Variants in PDE4D observed in about 807,000 individuals in gnomAD.
PDE4D encodes 3',5'-cyclic-AMP phosphodiesterase 4D.
In PDE4D, 24 loss-of-function variants were observed where a neutral mutation model predicts 87.4. The observed-to-expected ratio is 0.27, with a 90% CI of 0.20 to 0.39. The LOEUF (loss-of-function observed/expected upper bound fraction) is 0.39, where lower values mean the gene tolerates loss of function less well. PDE4D is among the 10% of genes least tolerant of loss of function. PDE4D has a pLI of 1.00. For synonymous variants in PDE4D, 384 were observed against 383.2 expected (o/e 1.00, Z -0.02); for missense variants, 714 against 1,041.0 (o/e 0.69, Z 4.32).
At chr5:59,508,757 T>C (rs982555775) in intron 1 of PDE4D, among the ~76,000 whole-genome samples, 1 of 151,874 alleles carries the variant, frequency 6.6e-6, no homozygotes, top group Non-Finnish European at 1.5e-5. Flanking sequence ...TAAAGACCAA[T>C]AGAACTTCTA....
chr5:59,085,886 T>A (rs1057091364), intron 5 of PDE4D, among the ~76,000 whole-genome samples: 10 of 152,162 alleles, frequency 6.6e-5, no homozygotes, highest in Non-Finnish European at 1.5e-4. Context: ...GTGATACTTT[T>A]AGAATAGGTA....
chr5:59,478,950 T>G (rs1226485321), intron 1 of PDE4D, among the ~76,000 whole-genome samples: 1 of 152,096 alleles, frequency 6.6e-6, no homozygotes, highest in Non-Finnish European at 1.5e-5. Flanking sequence ...TCTTAAAATT[T>G]GAGGTTCAAT....
chr5:59,554,783 C>T (rs946605285), intron 1 of PDE4D, among the ~76,000 whole-genome samples: 1 of 152,128 alleles, frequency 6.6e-6, no homozygotes, highest in Non-Finnish European at 1.5e-5. Context: ...ACAATAGAGG[C>T]TTTAGGGCCC....
At chr5:59,759,773 A>G (rs1281171756) in intron 1 of PDE4D, among the ~76,000 whole-genome samples, 7 of 152,138 alleles carry the variant, frequency 4.6e-5, no homozygotes, top group Non-Finnish European at 1.0e-4. Context: ...TGTGCTTCTC[A>G]GATGATTTCC....
At chr5:60,491,235 G>T (rs1489200661), upstream of PDE4D, 1 of 151,996 alleles carries the variant, frequency 6.6e-6, no homozygotes, top group Non-Finnish European at 1.5e-5. Context: ...AAAAAAAAAT[G>T]CTTTAATTCA....
intron 1 of PDE4D, among the ~76,000 whole-genome samples, chr5:60,256,885 T>C (rs769568682): frequency 6.6e-6 from 1 of 151,846 alleles, no homozygotes; most frequent in South Asian, 2.1e-4. Context: ...TATTATAGAA[T>C]CCAAAATTCA....
intron 1 of PDE4D, among the ~76,000 whole-genome samples, chr5:59,323,837 C>T (rs1340586286): frequency 1.3e-5 from 2 of 151,954 alleles, no homozygotes; most frequent in Non-Finnish European, 2.9e-5. Context: ...TAAAATATTT[C>T]ACTGGCTCCC....
intron 1 of PDE4D, among the ~76,000 whole-genome samples, chr5:59,543,148 A>C (rs1816656232): frequency 1.3e-5 from 2 of 152,210 alleles, no homozygotes; most frequent in Non-Finnish European, 2.9e-5. Flanking sequence ...CTGGACTTTC[A>C]TCATGAAACG....
chr5:60,118,602 G>T (rs987542941), intron 2 of PDE4D, among the ~76,000 whole-genome samples: 1 of 106,536 alleles, frequency 9.4e-6, no homozygotes, highest in African/African-American at 3.5e-5. Flanking sequence ...TGTGTTTACT[G>T]AGAATCTGCA....
intron 6 of PDE4D, among the ~76,000 whole-genome samples, chr5:59,004,899 T>C (rs1039708978): frequency 4.6e-5 from 7 of 152,192 alleles, no homozygotes; most frequent in Non-Finnish European, 1.0e-4. Flanking sequence ...AGAATCACTG[T>C]TCTATTTTTT....
chr5:60,182,145 A>C (rs1411518243), intron 2 of PDE4D, among the ~76,000 whole-genome samples: 6 of 152,254 alleles, frequency 3.9e-5, no homozygotes, highest in African/African-American at 1.4e-4. Context: ...ATATAAAATA[A>C]GCAAACTAAG....
chr5:60,258,421 C>T (rs879818717), intron 1 of PDE4D, among the ~76,000 whole-genome samples: 4 of 151,820 alleles, frequency 2.6e-5, no homozygotes, highest in Non-Finnish European at 5.9e-5. Context: ...AATAATAAAG[C>T]ATTTTCCCAT....
chr5:59,225,536 T>C (rs1753576331), intron 1 of PDE4D, among the ~76,000 whole-genome samples: 1 of 152,190 alleles, frequency 6.6e-6, no homozygotes, highest in Non-Finnish European at 1.5e-5. Flanking sequence ...AAAAATACCA[T>C]TGGGATTTTG....
chr5:59,360,214 T>A (rs1781992219), intron 1 of PDE4D, among the ~76,000 whole-genome samples: 1 of 152,178 alleles, frequency 6.6e-6, no homozygotes, highest in Non-Finnish European at 1.5e-5. Flanking sequence ...AGGCATTCAA[T>A]TACTTGCGCA....
At chr5:60,103,635 A>G (rs766433543) in intron 2 of PDE4D, among the ~76,000 whole-genome samples, 6 of 152,214 alleles carry the variant, frequency 3.9e-5, no homozygotes, top group Non-Finnish European at 8.8e-5. Flanking sequence ...CTCCATGGAA[A>G]AAAATAAACC....
chr5:59,752,738 A>T (rs1485024378), intron 1 of PDE4D, among the ~76,000 whole-genome samples: 2 of 152,170 alleles, frequency 1.3e-5, no homozygotes, highest in African/African-American at 2.4e-5. Flanking sequence ...ACCACAAAGC[A>T]TCATTCTGGC....
At chr5:60,322,361 C>CACACAT (rs1035057697) in intron 1 of PDE4D, among the ~76,000 whole-genome samples, 8 of 114,286 alleles carry the variant, frequency 7.0e-5, no homozygotes, top group Non-Finnish European at 1.2e-4. Context: ...TATATATGGA[C>CACACAT]ACACATACAC....
intron 1 of PDE4D, among the ~76,000 whole-genome samples, chr5:59,756,053 T>A (rs1761164224): frequency 3.3e-5 from 5 of 151,632 alleles, no homozygotes. Flanking sequence ...AATATTTCTA[T>A]GCTAAACCCC....
chr5:59,376,628 C>T (rs762420827), intron 1 of PDE4D, among the ~76,000 whole-genome samples: 2 of 152,106 alleles, frequency 1.3e-5, no homozygotes, highest in Non-Finnish European at 2.9e-5. Flanking sequence ...TTTATAGATT[C>T]AGTGCTATTT....
Sources: allele counts gnomAD v4.1 joint callset (sites outside exome capture counted in the v4.1 genomes callset), GRCh38; gene constraint gnomAD v4.1.1; transcripts MANE v1.5; gene names NCBI Gene and HGNC (gene_info 2026-07-23, HGNC 2026-07-21).